Variants in SSUH2 observed in about 807,000 individuals in gnomAD.
SSUH2 encodes the protein ssu-2 homolog, also known as protein SSUH2 homolog.
A neutral mutation model predicts 55.3 loss-of-function variants in SSUH2; 47 were observed. The observed-to-expected ratio is 0.85, with a 90% confidence interval of 0.67 to 1.08. SSUH2 has a LOEUF of 1.08. SSUH2 is among the 50% of genes least tolerant of loss of function. SSUH2 has a pLI of 0.00. For synonymous variants in SSUH2, 212 were observed against 191.5 expected (o/e 1.11, Z -0.89); for missense variants, 535 against 490.7 (o/e 1.09, Z -0.85).
intron 7 of SSUH2, among the ~76,000 whole-genome samples, chr3:8,657,630 A>C (rs73125194): frequency 0.011 from 1,747 of 152,308 alleles, 32 homozygotes; most frequent in African/African-American, 0.038. Context: ...AAAAGAGTCA[A>C]GTACATGGAG....
chr3:8,631,283 T>G (rs182856835), intron 5 of SSUH2, among the ~76,000 whole-genome samples: 70 of 152,326 alleles, frequency 4.6e-4, no homozygotes, highest in African/African-American at 1.7e-3. Flanking sequence ...TATAAAATTG[T>G]TAGCACCAGG....
chr3:8,637,023 C>T (rs1027447584), intron 1 of SSUH2, among the ~76,000 whole-genome samples: 2 of 152,202 alleles, frequency 1.3e-5, no homozygotes, highest in Admixed American at 1.3e-4. Flanking sequence ...GATTTTTCTA[C>T]TTTATGATGG....
chr3:8,635,608 T>C (rs1699791024), intron 2 of SSUH2, 151 bp downstream of exon 2: 4 of 803,726 alleles, frequency 5.0e-6, no homozygotes, highest in Non-Finnish European at 7.6e-6. Context: ...CCCCATTGCT[T>C]CCTCTTTCCA....
chr3:8,681,160 C>CGGGGGGGGG, intron 1 of SSUH2, among the ~76,000 whole-genome samples: 1 of 130,602 alleles, frequency 7.7e-6, no homozygotes, highest in South Asian at 2.4e-4. Flanking sequence ...ACTTCCATAG[C>CGGGGGGGGG]AGGGGGGGGA....
chr3:8,677,203 C>T (rs1222031011), intron 3 of SSUH2: 1 of 152,020 alleles, frequency 6.6e-6, no homozygotes, highest in East Asian at 2.1e-4. Flanking sequence ...CCTTTGGACC[C>T]ACCTGGAGGA....
chr3:8,661,575 G>A (rs774679220), intron 6 of SSUH2, among the ~76,000 whole-genome samples: 9 of 152,200 alleles, frequency 5.9e-5, no homozygotes, highest in South Asian at 2.1e-4. Context: ...GACAGGAGGC[G>A]TGAGAGACTC....
chr3:8,620,063 C>T, intron 11 of SSUH2, 49 bp from the exon 12 acceptor site: 1 of 1,598,732 alleles, frequency 6.3e-7, no homozygotes, highest in Non-Finnish European at 8.5e-7. Context: ...GTTCAAGTCA[C>T]TCACCTGCTC....
At chr3:8,641,999 C>T (rs1700932711) in intron 1 of SSUH2, among the ~76,000 whole-genome samples, 1 of 152,138 alleles carries the variant, frequency 6.6e-6, no homozygotes. Flanking sequence ...TGATCTCAAT[C>T]CTGCCCCTGT....
At chr3:8,666,447 G>A (rs1422231813) in intron 5 of SSUH2, among the ~76,000 whole-genome samples, 1 of 152,136 alleles carries the variant, frequency 6.6e-6, no homozygotes, top group Non-Finnish European at 1.5e-5. Context: ...ACACCCACAA[G>A]GGGTTTATGA....
intron 8 of SSUH2, among the ~76,000 whole-genome samples, chr3:8,626,545 C>T (rs1239217815): frequency 2.1e-5 from 3 of 143,350 alleles, no homozygotes; most frequent in Admixed American, 6.9e-5. Context: ...CTGCCCCCCC[C>T]CCTCCCCCAC....
At chr3:8,639,642 A>G (rs936027219) in intron 1 of SSUH2, among the ~76,000 whole-genome samples, 4 of 152,224 alleles carry the variant, frequency 2.6e-5, no homozygotes, top group Non-Finnish European at 5.9e-5. Flanking sequence ...GGCATTATTA[A>G]TGGGTAACCC....
intron 3 of SSUH2, among the ~76,000 whole-genome samples, chr3:8,675,229 T>G (rs1705101603): frequency 6.6e-6 from 1 of 152,158 alleles, no homozygotes; most frequent in Non-Finnish European, 1.5e-5. Flanking sequence ...TATCAGATTA[T>G]CCCCTGAGAG....
At chr3:8,670,957 A>C (rs777456186) in intron 5 of SSUH2, 4 of 385,656 alleles carry the variant, frequency 1.0e-5, no homozygotes, top group African/African-American at 8.2e-5. Context: ...ATTAGAAGTA[A>C]CATCCCCCGA....
At chr3:8,662,318 G>A (rs904130839) in intron 6 of SSUH2, among the ~76,000 whole-genome samples, 32 of 152,238 alleles carry the variant, frequency 2.1e-4, no homozygotes, top group Admixed American at 7.8e-4. Flanking sequence ...TGTGAAATGC[G>A]CACCTTTGTC....
chr3:8,634,436 A>ATCC (rs1699545844), intron 3 of SSUH2: 1 of 1,290,198 alleles, frequency 7.8e-7, no homozygotes, highest in South Asian at 1.2e-5. Context: ...AGAGGAAAGA[A>ATCC]TCCTCCTTCC....
chr3:8,642,334 A>C (rs931098431), intron 1 of SSUH2, among the ~76,000 whole-genome samples: 1 of 152,240 alleles, frequency 6.6e-6, no homozygotes, highest in Non-Finnish European at 1.5e-5. Context: ...CTAGAAAAGA[A>C]AAGACTTACA....
At chr3:8,643,138 G>A (rs372222764) in intron 1 of SSUH2, among the ~76,000 whole-genome samples, 2 of 152,168 alleles carry the variant, frequency 1.3e-5, no homozygotes, top group African/African-American at 2.4e-5. Flanking sequence ...TGATCATTTC[G>A]TAGAGTCAAT....
intron 2 of SSUH2, among the ~76,000 whole-genome samples, chr3:8,678,420 G>C (rs991600311): frequency 6.6e-6 from 1 of 151,928 alleles, no homozygotes; most frequent in African/African-American, 2.4e-5. Context: ...TGGGTGAACA[G>C]CCTGCGATGC....
intron 3 of SSUH2, chr3:8,634,249 C>T (rs1699497834): frequency 1.6e-6 from 1 of 641,916 alleles, no homozygotes; most frequent in Non-Finnish European, 2.4e-6. Flanking sequence ...CAGCCAGGCA[C>T]TGGCCCAGGG....
Sources: allele counts gnomAD v4.1 joint callset (sites outside exome capture counted in the v4.1 genomes callset), GRCh38; gene constraint gnomAD v4.1.1; transcripts MANE v1.5; gene names NCBI Gene and HGNC (gene_info 2026-07-23, HGNC 2026-07-21).